Variants in APBB2 observed in about 807,000 individuals in gnomAD.
APBB2 encodes Fe65-like 1.
Under a neutral mutation model 82.5 loss-of-function variants are expected in APBB2, and 38 were observed. That is an observed-to-expected ratio of 0.46 (90% CI 0.36 to 0.60). The LOEUF (loss-of-function observed/expected upper bound fraction) is 0.60. Ranked by LOEUF, APBB2 falls within the 20% of genes least tolerant of loss-of-function variation. The probability of loss-of-function intolerance (pLI) is 0.00; values close to 1 mark genes in which losing one functional copy is unlikely to be tolerated. For synonymous variants in APBB2, 341 were observed against 368.2 expected, an observed-to-expected ratio of 0.93 and a Z score of 0.85; for missense variants, 772 against 972.3, an observed-to-expected ratio of 0.79 and a Z score of 2.74.
chr4:41,155,190 A>G (rs1341954976), intron 1 of APBB2, among the ~76,000 whole-genome samples: 1 of 152,278 alleles, frequency 6.6e-6, no homozygotes, highest in Non-Finnish European at 1.5e-5. Flanking sequence ...AAGTCTAATG[A>G]AAGTTTCTCA....
intron 2 of APBB2, among the ~76,000 whole-genome samples, chr4:41,124,720 A>G (rs1184552595): frequency 6.6e-6 from 1 of 152,208 alleles, no homozygotes; most frequent in Non-Finnish European, 1.5e-5. Context: ...GAATAAATGC[A>G]TTTGTTATAA....
At chr4:40,828,959 C>T (rs1483689795) in intron 13 of APBB2, among the ~76,000 whole-genome samples, 1 of 152,172 alleles carries the variant, frequency 6.6e-6, no homozygotes, top group Non-Finnish European at 1.5e-5. Context: ...TGGGTTGGGT[C>T]TTGACGGCTC....
intron 3 of APBB2, among the ~76,000 whole-genome samples, chr4:41,066,446 A>G (rs1731846920): frequency 6.6e-6 from 1 of 152,192 alleles, no homozygotes; most frequent in Admixed American, 6.5e-5. Flanking sequence ...ATAAGATACC[A>G]TCTCTATCTC....
chr4:40,898,833 GAAAA>G (rs1200667653), intron 10 of APBB2, among the ~76,000 whole-genome samples: 5 of 132,630 alleles, frequency 3.8e-5, no homozygotes, highest in African/African-American at 1.5e-4. Context: ...AAAAAAGAAA[GAAAA>G]AAGAAACACA....
chr4:40,967,723 T>A (rs1330977214), intron 6 of APBB2, among the ~76,000 whole-genome samples: 5 of 152,062 alleles, frequency 3.3e-5, no homozygotes, highest in African/African-American at 1.2e-4. Context: ...GTGAGCCGAG[T>A]GCAGTCTCCC....
chr4:40,952,139 T>A (rs955546322), intron 6 of APBB2, among the ~76,000 whole-genome samples: 1 of 147,432 alleles, frequency 6.8e-6, no homozygotes, highest in Non-Finnish European at 1.5e-5. Flanking sequence ...TGAGCCGAGA[T>A]TGCACCACTG....
intron 12 of APBB2, chr4:40,880,198 G>A: frequency 1.0e-6 from 1 of 985,352 alleles, no homozygotes; most frequent in Non-Finnish European, 1.2e-6. Context: ...CAAATGGTGA[G>A]ATTCCTACTC....
chr4:40,941,233 T>A (rs959405332), intron 7 of APBB2, among the ~76,000 whole-genome samples: 1 of 152,252 alleles, frequency 6.6e-6, no homozygotes, highest in South Asian at 2.1e-4. Flanking sequence ...TCCCTTAAGA[T>A]TTTGCTCTCT....
chr4:40,967,087 C>T (rs965662068), intron 6 of APBB2, among the ~76,000 whole-genome samples: 1 of 152,188 alleles, frequency 6.6e-6, no homozygotes, highest in African/African-American at 2.4e-5. Flanking sequence ...ATGATGGGAT[C>T]ACCTGCCTGT....
chr4:41,090,798 T>C (rs1382503035), intron 3 of APBB2, among the ~76,000 whole-genome samples: 3 of 152,152 alleles, frequency 2.0e-5, no homozygotes, highest in Non-Finnish European at 4.4e-5. Flanking sequence ...AATTACTGCA[T>C]ATAACAGCTG....
intron 15 of APBB2, among the ~76,000 whole-genome samples, chr4:40,824,332 C>CA (rs1176064070): frequency 6.6e-6 from 1 of 152,158 alleles, no homozygotes; most frequent in African/African-American, 2.4e-5. Flanking sequence ...TGGATCCCCC[C>CA]ATTGAGTAGG....
At chr4:41,079,633 C>T (rs1372082357) in intron 3 of APBB2, among the ~76,000 whole-genome samples, 1 of 151,640 alleles carries the variant, frequency 6.6e-6, no homozygotes, top group Non-Finnish European at 1.5e-5. Context: ...ACTGCAACCT[C>T]CACCTCCCAG....
chr4:40,855,855 A>G (rs961589704), intron 12 of APBB2, among the ~76,000 whole-genome samples: 5 of 152,242 alleles, frequency 3.3e-5, no homozygotes, highest in East Asian at 1.9e-4. Context: ...TCCCCTCTTA[A>G]GCATTTCATT....
intron 1 of APBB2, among the ~76,000 whole-genome samples, chr4:41,180,835 T>C (rs1172963205): frequency 6.6e-6 from 1 of 152,136 alleles, no homozygotes; most frequent in Non-Finnish European, 1.5e-5. Flanking sequence ...GAAAAGCTTC[T>C]CCTGTATTAA....
At chr4:41,161,785 C>T (rs763137827) in intron 1 of APBB2, among the ~76,000 whole-genome samples, 17 of 152,138 alleles carry the variant, frequency 1.1e-4, no homozygotes, top group Non-Finnish European at 2.1e-4. Context: ...TTGAGCCTCC[C>T]AAATTCCAGT....
chr4:40,839,005 C>T (rs117552640), intron 12 of APBB2, among the ~76,000 whole-genome samples: 1 of 152,156 alleles, frequency 6.6e-6, no homozygotes, highest in East Asian at 1.9e-4. Flanking sequence ...TTTAATAAAT[C>T]AGCCTGTTCT....
chr4:40,865,992 C>T (rs1450303875), intron 12 of APBB2, among the ~76,000 whole-genome samples: 1 of 152,228 alleles, frequency 6.6e-6, no homozygotes, highest in African/African-American at 2.4e-5. Flanking sequence ...ACTGAACTTT[C>T]TTACTTTGCT....
chr4:41,108,913 C>A (rs1239129089), intron 2 of APBB2, among the ~76,000 whole-genome samples: 1 of 152,198 alleles, frequency 6.6e-6, no homozygotes, highest in Non-Finnish European at 1.5e-5. Flanking sequence ...ACCTTCTCTG[C>A]CTCATCAGCA....
At chr4:41,015,770 G>A (rs1401447927) in intron 5 of APBB2, among the ~76,000 whole-genome samples, 1 of 151,908 alleles carries the variant, frequency 6.6e-6, no homozygotes, top group Non-Finnish European at 1.5e-5. Context: ...TTATTTATCG[G>A]GATTCCTTCT....
Sources: gnomAD v4.1 joint callset for allele counts (sites outside exome capture counted in the v4.1 genomes callset) on GRCh38, gnomAD v4.1.1 for gene constraint, MANE v1.5 for transcripts, NCBI Gene and HGNC (gene_info 2026-07-23, HGNC 2026-07-21) for gene names.